The following CASP8 variants were observed in gnomAD, a reference collection of about 807,000 sequenced individuals.
CASP8 encodes the protein caspase 8, also known as caspase-8.
Under a neutral mutation model 46.3 loss-of-function variants are expected in CASP8, and 24 were observed. The ratio of observed to expected loss-of-function variants is 0.52; its 90% CI spans 0.38 to 0.73. The LOEUF (loss-of-function observed/expected upper bound fraction) is 0.73, where lower values mean the gene tolerates loss of function less well. Among genes scored for constraint, CASP8 ranks in the 30% least tolerant of loss-of-function variants. The probability of loss-of-function intolerance (pLI) is 0.00; values close to 1 mark genes in which losing one functional copy is unlikely to be tolerated. For missense variants in CASP8, 460 were observed against 559.0 expected (o/e 0.82, Z 1.79); for synonymous variants, 188 against 200.4 (o/e 0.94, Z 0.52).
intron 2 of CASP8, among the ~76,000 whole-genome samples, chr2:201,245,839 T>C (rs1387246597): frequency 6.6e-6 from 1 of 152,058 alleles, no homozygotes; most frequent in Non-Finnish European, 1.5e-5. Flanking sequence ...CAGGCTTTTC[T>C]TTCTGTTGCT....
intron 2 of CASP8, among the ~76,000 whole-genome samples, chr2:201,252,056 G>T (rs1223362849): frequency 6.6e-6 from 1 of 152,068 alleles, no homozygotes; most frequent in East Asian, 1.9e-4. Flanking sequence ...TAGCAATTTT[G>T]GCAAATATGT....
intron 2 of CASP8, among the ~76,000 whole-genome samples, chr2:201,248,966 A>T (rs1946652468): frequency 6.6e-6 from 1 of 152,128 alleles, no homozygotes; most frequent in African/African-American, 2.4e-5. Context: ...ATCTTGGCTC[A>T]CTACAACCTC....
At chr2:201,263,206 AG>A in intron 1 of CASP8, among the ~76,000 whole-genome samples, 1 of 152,348 alleles carries the variant, frequency 6.6e-6, no homozygotes, top group Non-Finnish European at 1.5e-5. Flanking sequence ...AGCCTCAAAA[AG>A]GTTTATTCAT....
chr2:201,287,324 A>G lies in CASP8; in HGVS notation c.*730A>G, dbSNP rs1458238962. On this transcript the variant is annotated 3_prime_UTR_variant, in exon 9 of 9. Transcript: ENST00000673742. Reference sequence around the variant, plus strand: ...GAGGTGGGAGGATTGCTTGAACCCAAGAGGTCAAGGCTGCAGTGAGCCATG... The same window carrying G: ...GAGGTGGGAGGATTGCTTGAACCCAGGAGGTCAAGGCTGCAGTGAGCCATG... The G allele has an allele frequency of 6.6e-6, 1 of 152,584 alleles. No homozygotes were observed. Among genetic ancestry groups the G allele is most frequent in the Admixed American group, 6.5e-5 (1 of 15,276 alleles). The allele number at this position is 152,584 out of a possible 1,614,324, so 9.5% of individuals were successfully genotyped here.
intron 2 of CASP8, among the ~76,000 whole-genome samples, chr2:201,234,426 G>A (rs926765071): frequency 1.2e-4 from 18 of 152,108 alleles, no homozygotes; most frequent in Admixed American, 1.2e-3. Flanking sequence ...AAATGACAAT[G>A]GCTCACATAG....
chr2:201,262,380 C>T (rs1559345478), intron 1 of CASP8: 1 of 151,204 alleles, frequency 6.6e-6, no homozygotes, highest in African/African-American at 2.4e-5. Context: ...ATTATAAACA[C>T]ATATTTATAT....
chr2:201,245,864 C>CTTTTTTTTTTTTTTTT (rs60096366), intron 2 of CASP8, among the ~76,000 whole-genome samples: 3 of 124,456 alleles, frequency 2.4e-5, no homozygotes, highest in African/African-American at 9.8e-5. Flanking sequence ...CTTGTTTGTT[C>CTTTTTTTTTTTTTTTT]TTTTTTTTTT....
intron 2 of CASP8, chr2:201,269,741 T>C: frequency 3.0e-6 from 2 of 657,950 alleles, no homozygotes; most frequent in South Asian, 3.2e-5. Flanking sequence ...CACTTACCAT[T>C]ATAAGAAAAC....
At chr2:201,234,646 G>T (rs976080065) in intron 2 of CASP8, among the ~76,000 whole-genome samples, 2 of 151,414 alleles carry the variant, frequency 1.3e-5, no homozygotes, top group Non-Finnish European at 2.9e-5. Flanking sequence ...AGTAGAGATG[G>T]GGGGGTCTCA....
chr2:201,276,120 A>G (rs1948613636), intron 6 of CASP8, among the ~76,000 whole-genome samples: 1 of 152,092 alleles, frequency 6.6e-6, no homozygotes, highest in Admixed American at 6.5e-5. Context: ...CAGACCTCCA[A>G]CTAAATGCTG....
intron 1 of CASP8, among the ~76,000 whole-genome samples, chr2:201,262,725 A>G (rs1327181198): frequency 6.6e-6 from 1 of 152,226 alleles, no homozygotes; most frequent in East Asian, 1.9e-4. Flanking sequence ...CTAGCTTAAC[A>G]AAGTTTCTAG....
At chr2:201,255,095 T>G (rs7603014) in intron 2 of CASP8, among the ~76,000 whole-genome samples, 19,575 of 152,190 alleles carry the variant, frequency 0.13, 1,749 homozygotes, top group South Asian at 0.29. Context: ...CACTTTTTAT[T>G]TTTGTTGAGA....
rs17860422 is a variant in CASP8, at chr2:201,271,549, C to T, written c.339C>T (p.Ser113=). 5,987 of 1,608,458 alleles carry T rather than the reference C, an allele frequency of 3.7e-3. 27 individuals carry two copies. The highest frequency in any genetic ancestry group is 4.3e-3 in the Non-Finnish European group (5,030 of 1,174,764). The change falls in exon 3 of 9, where the codon AGC becomes AGT. Residue 113 remains serine (S), a synonymous_variant. Transcript: ENST00000673742. The part of the protein sequence containing the change: ...VMLYQISEEV[S]RSELRSFKFL... ...TCTATCAGATTTCAGAAGAAGTGAG[C>T]AGATCAGAATTGAGGTCTTTTAAGT...
chr2:201,261,045 A>G (rs977766775), intron 1 of CASP8, among the ~76,000 whole-genome samples: 1 of 152,190 alleles, frequency 6.6e-6, no homozygotes, highest in Non-Finnish European at 1.5e-5. Flanking sequence ...GCACACACAC[A>G]TACACACAAA....
rs546740495 is a variant in CASP8 at position 201,278,571 on chromosome 2, C to G, written c.802+1603C>G. Among the ~76,000 whole-genome samples the G allele has an allele frequency of 5.3e-5, 8 of 150,496 alleles. No homozygotes were observed. The East Asian group carries it at 1.4e-3, about 26-fold the overall frequency. On this transcript the variant is annotated intron_variant, in intron 7 of 8. Coordinates refer to ENST00000673742, the MANE Select transcript of CASP8 (RefSeq NM_001372051.1). Reference sequence around the variant, plus strand: ...TTTTTTTTTGAGGCAGAGTCTCACTCTGTTGCCCAGGCTGCAGTGCAATAA... The same window carrying G: ...TTTTTTTTTGAGGCAGAGTCTCACTGTGTTGCCCAGGCTGCAGTGCAATAA...
intron 2 of CASP8, among the ~76,000 whole-genome samples, chr2:201,268,909 T>TTGTGTGTGTGTGTG (rs58087434): frequency 1.1e-4 from 14 of 131,534 alleles, no homozygotes; most frequent in Admixed American, 7.1e-4. Context: ...GGCCTCATCT[T>TTGTGTGTGTGTGTG]TGTGTGTGTG....
At chr2:201,265,924 C>T (rs557632730) in intron 1 of CASP8, among the ~76,000 whole-genome samples, 4 of 152,182 alleles carry the variant, frequency 2.6e-5, no homozygotes, top group African/African-American at 4.8e-5. Flanking sequence ...CCTCTACATC[C>T]CTACCACACT....
At chr2:201,285,982 A>T (rs1176196462) in intron 8 of CASP8, among the ~76,000 whole-genome samples, 1 of 152,236 alleles carries the variant, frequency 6.6e-6, no homozygotes, top group Non-Finnish European at 1.5e-5. Context: ...AAGGTAGAAG[A>T]AGAGGTTGCC....
intron 2 of CASP8, among the ~76,000 whole-genome samples, chr2:201,250,413 G>T (rs1278331941): frequency 6.6e-6 from 1 of 152,232 alleles, no homozygotes; most frequent in African/African-American, 2.4e-5. Flanking sequence ...GACTGTATAG[G>T]AAGCATGATG....
Sources: gnomAD v4.1 joint callset for allele counts (sites outside exome capture counted in the v4.1 genomes callset) on GRCh38, gnomAD v4.1.1 for gene constraint, MANE v1.5 for transcripts, NCBI Gene and HGNC (gene_info 2026-07-23, HGNC 2026-07-21) for gene names.